SRPK1: variants seen among roughly 807,000 people sequenced by gnomAD.
SRPK1 encodes the protein SFRS protein kinase 1.
A neutral mutation model predicts 89.5 loss-of-function variants in SRPK1; 52 were observed. That is an observed-to-expected ratio of 0.58 (90% CI 0.46 to 0.73). The LOEUF (loss-of-function observed/expected upper bound fraction) is 0.73. Among genes scored for constraint, SRPK1 ranks in the 30% least tolerant of loss-of-function variants. The probability of loss-of-function intolerance (pLI) is 0.00; values close to 1 mark genes in which losing one functional copy is unlikely to be tolerated. For missense variants in SRPK1, 603 were observed against 780.6 expected (o/e 0.77, Z 2.71); for synonymous variants, 255 against 270.2 (o/e 0.94, Z 0.55).
At chr6:35,859,093 T>C (rs1769722878) in intron 12 of SRPK1, among the ~76,000 whole-genome samples, 1 of 152,326 alleles carries the variant, frequency 6.6e-6, no homozygotes, top group South Asian at 2.1e-4. Flanking sequence ...CAGCTGAGGA[T>C]AGCCTTAGAG....
At position 35,847,919 on chromosome 6, in the gene SRPK1, C is replaced by T. The variant is rs540831945; in HGVS notation, c.1621-5315G>A. 2.2e-3 allele frequency among the ~76,000 whole-genome samples: 334 copies of T among 151,674 alleles called. 2 individuals carry two copies. Among genetic ancestry groups the T allele is most frequent in the African/African-American group, 7.5e-3 (310 of 41,354 alleles). On this transcript the variant is annotated intron_variant, in intron 13 of 15. Coordinates refer to ENST00000373825, the MANE Select transcript of SRPK1 (RefSeq NM_003137.5). ...CTCGGCTTACTGTAACCTCTGCCTCCCAGCCTCAGGTGATTCTCCCACCTC... is the reference window on the plus strand; with the variant it reads ...CTCGGCTTACTGTAACCTCTGCCTCTCAGCCTCAGGTGATTCTCCCACCTC...
At chr6:35,894,668 T>A (rs1770593485) in intron 2 of SRPK1, among the ~76,000 whole-genome samples, 1 of 152,146 alleles carries the variant, frequency 6.6e-6, no homozygotes, top group South Asian at 2.1e-4. Context: ...GTAATTAGAC[T>A]GTCATCATCT....
intron 8 of SRPK1, among the ~76,000 whole-genome samples, chr6:35,871,740 ATTTAT>A (rs1179838999): frequency 2.0e-5 from 3 of 152,142 alleles, no homozygotes; most frequent in Non-Finnish European, 4.4e-5. Flanking sequence ...GCCTTTATTT[ATTTAT>A]TTAATTTTAT....
chr6:35,902,169 G>A (rs1370680521), intron 2 of SRPK1, among the ~76,000 whole-genome samples: 3 of 150,990 alleles, frequency 2.0e-5, no homozygotes, highest in African/African-American at 7.3e-5. Flanking sequence ...CAGCACTTTG[G>A]GAGACCAAGG....
chr6:35,859,573 G>A (rs1329590313), intron 12 of SRPK1, among the ~76,000 whole-genome samples: 1 of 151,994 alleles, frequency 6.6e-6, no homozygotes, highest in Non-Finnish European at 1.5e-5. Context: ...TATTGTTTTC[G>A]ATCCTTGTTT....
At chr6:35,902,148 GT>G (rs1770755684) in intron 2 of SRPK1, among the ~76,000 whole-genome samples, 1 of 148,872 alleles carries the variant, frequency 6.7e-6, no homozygotes, top group African/African-American at 2.5e-5. Context: ...GTGGCCCCAT[GT>G]CTGTAATCCC....
chr6:35,890,853 T>C (rs1021519397), intron 3 of SRPK1, 42 bp downstream of exon 3: 9 of 1,490,446 alleles, frequency 6.0e-6, no homozygotes, highest in African/African-American at 4.5e-5. Flanking sequence ...AAATTGCAAA[T>C]AGATGGCTCA....
At chr6:35,869,330 G>A (rs879701232) in intron 11 of SRPK1, among the ~76,000 whole-genome samples, 152 bp downstream of exon 11, 2 of 152,170 alleles carry the variant, frequency 1.3e-5, no homozygotes, top group Admixed American at 6.5e-5. Flanking sequence ...AGTACATGAT[G>A]GATAAAGTTA....
intron 13 of SRPK1, among the ~76,000 whole-genome samples, chr6:35,850,787 A>G (rs1004933136): frequency 3.3e-5 from 5 of 152,222 alleles, no homozygotes; most frequent in Non-Finnish European, 7.3e-5. Context: ...GACAAGTTCT[A>G]TGTGACAAAG....
chr6:35,871,673 AAT>A (rs1193555425), intron 8 of SRPK1, among the ~76,000 whole-genome samples: 1 of 152,210 alleles, frequency 6.6e-6, no homozygotes, highest in African/African-American at 2.4e-5. Flanking sequence ...GTTCCTAAAA[AAT>A]GACACACTAC....
At chr6:35,884,142 T>C (rs1484576686) in intron 6 of SRPK1, among the ~76,000 whole-genome samples, 1 of 151,938 alleles carries the variant, frequency 6.6e-6, no homozygotes, top group Non-Finnish European at 1.5e-5. Flanking sequence ...TAGGGCACAT[T>C]ATGAATAAGA....
Position 35,842,656 on chromosome 6 carries a change from T to C in SRPK1, c.1621-52A>G, listed in dbSNP as rs1038788404. 2.1e-6 allele frequency: 3 copies of C among 1,424,658 alleles called. No homozygotes were observed. The African/African-American group carries it at 4.3e-5, about 21-fold the overall frequency. 88.3% of individuals were successfully genotyped at this position (1,424,658 alleles called of 1,614,324 possible). A position where few individuals can be genotyped will look rare whatever the true frequency, so the allele number is the denominator to read the frequency against. On this transcript the variant is annotated intron_variant, in intron 13 of 15. Transcript: ENST00000373825. ...AAAGCACAAAAGAAAAGAAGGCCTT[T>C]GGAAAGCTGATTGCTATTTGGCTCA...
chr6:35,841,770 T>G (rs1163742995), intron 14 of SRPK1, among the ~76,000 whole-genome samples: 1 of 145,150 alleles, frequency 6.9e-6, no homozygotes, highest in Non-Finnish European at 1.5e-5. Context: ...AAGTGGAGGT[T>G]GTAGTGAGCC....
rs1014868440 is a variant in SRPK1 at position 35,834,185 on chromosome 6, C to T, written c.*1119G>A. 5.3e-5 allele frequency: 8 copies of T among 151,880 alleles called. No homozygotes were observed. The highest frequency in any genetic ancestry group is 1.9e-4 in the African/African-American group (8 of 41,232). The allele number at this position is 151,880 out of a possible 1,614,324, so 9.4% of individuals were successfully genotyped here. On this transcript the variant is annotated 3_prime_UTR_variant, in exon 16 of 16. Coordinates refer to ENST00000373825, the MANE Select transcript of SRPK1 (RefSeq NM_003137.5). ...ACCAAAAAACAAAACAAAACAAGAC[C>T]AACAAAAAAAAGTGCCATCCCACCC...
chr6:35,885,708 T>G (rs1215877822), intron 6 of SRPK1, among the ~76,000 whole-genome samples: 3 of 152,250 alleles, frequency 2.0e-5, no homozygotes, highest in African/African-American at 7.2e-5. Context: ...GATTTTAGAT[T>G]TATCCAATCT....
At chr6:35,840,380 T>C (rs1408513712) in intron 14 of SRPK1, among the ~76,000 whole-genome samples, 1 of 152,222 alleles carries the variant, frequency 6.6e-6, no homozygotes, top group African/African-American at 2.4e-5. Flanking sequence ...AGTACCTGCA[T>C]GCCAAGAATT....
chr6:35,860,535 T>C (rs565593025), intron 12 of SRPK1, among the ~76,000 whole-genome samples: 1 of 152,338 alleles, frequency 6.6e-6, no homozygotes, highest in East Asian at 1.9e-4. Context: ...TTGATGTTTG[T>C]ACGGTGTGAT....
chr6:35,860,239 G>C (rs917014982), intron 12 of SRPK1, among the ~76,000 whole-genome samples: 3 of 152,158 alleles, frequency 2.0e-5, no homozygotes, highest in African/African-American at 7.2e-5. Context: ...AATGTCCAAT[G>C]TTAACAGTAC....
At chr6:35,900,421 T>C (rs6908433) in intron 2 of SRPK1, among the ~76,000 whole-genome samples, 1 of 152,074 alleles carries the variant, frequency 6.6e-6, no homozygotes, top group African/African-American at 2.4e-5. Flanking sequence ...TCTGTAGATA[T>C]CCCAGGTACT....
Sources: allele counts gnomAD v4.1 joint callset (sites outside exome capture counted in the v4.1 genomes callset), GRCh38; gene constraint gnomAD v4.1.1; transcripts MANE v1.5; gene names NCBI Gene and HGNC (gene_info 2026-07-23, HGNC 2026-07-21).